Variants in RAB38 observed in about 807,000 individuals in gnomAD.
RAB38 encodes the protein ras-related protein Rab-38.
RAB38 carries 15 observed loss-of-function variants against 18.4 expected under a neutral mutation model. The observed-to-expected ratio is 0.82, with a 90% CI of 0.55 to 1.26. The LOEUF (loss-of-function observed/expected upper bound fraction) is 1.26, where lower values mean the gene tolerates loss of function less well. RAB38 is among the 50% of genes most tolerant of loss of function. The probability of loss-of-function intolerance (pLI) is 0.00; values close to 1 mark genes in which losing one functional copy is unlikely to be tolerated. For missense variants in RAB38, 294 were observed against 267.4 expected (o/e 1.10, Z -0.69); for synonymous variants, 101 against 104.4 (o/e 0.97, Z 0.20).
chr11:87,937,311 CATATATATATATATATATATATATATAT>C, the RAB38 span, among the ~76,000 whole-genome samples: 5 of 82,684 alleles, frequency 6.0e-5, no homozygotes, highest in Admixed American at 1.4e-4. Context: ...ACTTGGTCAT[CATATATATATATATATATATATATATAT>C]ATATATATAT....
chr11:88,035,846 A>G, the RAB38 span, among the ~76,000 whole-genome samples: 2,599 of 151,666 alleles, frequency 0.017, 73 homozygotes, highest in African/African-American at 0.06. Flanking sequence ...CTGATCTACA[A>G]CTAACCTCAA....
At chr11:88,174,201 T>A in intron 1 of RAB38, 1 of 640,280 alleles carries the variant, frequency 1.6e-6, no homozygotes, top group Non-Finnish European at 1.9e-6. Context: ...CCAAAGCCAC[T>A]GAGCAGGTTA....
At chr11:87,977,035 TTATAA>T in the RAB38 span, among the ~76,000 whole-genome samples, 135 of 11,022 alleles carry the variant, frequency 0.012, 54 homozygotes, top group East Asian at 0.12. Flanking sequence ...TACAAGTATA[TTATAA>T]AATATAATTA....
chr11:87,874,154 TATGTTTACTTCTATTTTTTCACCATTTGC>T, the RAB38 span, among the ~76,000 whole-genome samples: 1 of 151,222 alleles, frequency 6.6e-6, no homozygotes, highest in African/African-American at 2.4e-5. Flanking sequence ...GAAATTTTTT[TATGTTTACTTCTATTTTTTCACCATTTGC>T]ATTATGATCT....
chr11:88,040,232 G>GTT, the RAB38 span, among the ~76,000 whole-genome samples: 2 of 152,168 alleles, frequency 1.3e-5, no homozygotes. Flanking sequence ...TTAGAGATCA[G>GTT]AGTATCAACA....
chr11:88,122,528 T>C (rs962162790), intron 2 of RAB38, among the ~76,000 whole-genome samples: 9 of 152,240 alleles, frequency 5.9e-5, no homozygotes, highest in Admixed American at 2.0e-4. Flanking sequence ...ATTGTAATAA[T>C]TGCTAACAAT....
At chr11:87,931,334 C>G in the RAB38 span, among the ~76,000 whole-genome samples, 2 of 152,040 alleles carry the variant, frequency 1.3e-5, no homozygotes, top group Admixed American at 6.6e-5. Flanking sequence ...GTTTGAGGCC[C>G]TTTCATCATA....
chr11:87,951,995 C>G, the RAB38 span, among the ~76,000 whole-genome samples: 1 of 152,048 alleles, frequency 6.6e-6, no homozygotes, highest in Non-Finnish European at 1.5e-5. Flanking sequence ...GGAGCTGTTC[C>G]TATTCGGCCA....
chr11:87,928,343 C>A, the RAB38 span, among the ~76,000 whole-genome samples: 1 of 152,104 alleles, frequency 6.6e-6, no homozygotes, highest in Admixed American at 6.6e-5. Flanking sequence ...AGAGTCTCCA[C>A]ATCTGATCAT....
At chr11:87,882,778 A>G in the RAB38 span, among the ~76,000 whole-genome samples, 1 of 151,888 alleles carries the variant, frequency 6.6e-6, no homozygotes, top group African/African-American at 2.4e-5. Flanking sequence ...TCCCATGGAA[A>G]CTGAGGTAAC....
Position 88,113,814 on chromosome 11 carries a change from G to T in RAB38, c.*174C>A. On this transcript the variant is annotated 3_prime_UTR_variant, in exon 3 of 3. Coordinates refer to ENST00000243662, the MANE Select transcript of RAB38 (RefSeq NM_022337.3). ...TTGTAAACACTGTGATGATGGTGAGGAAAGCATAGAAAGAACATTTGCTAT... is the reference window on the plus strand; with the variant it reads ...TTGTAAACACTGTGATGATGGTGAGTAAAGCATAGAAAGAACATTTGCTAT... 1 of 732,588 alleles carries T rather than the reference G, an allele frequency of 1.4e-6. No individual in the cohort carries two copies. The highest frequency in any genetic ancestry group is 2.0e-5 in the South Asian group (1 of 49,372). The allele number at this position is 732,588 out of a possible 1,614,324, so 45.4% of individuals were successfully genotyped here.
the RAB38 span, among the ~76,000 whole-genome samples, chr11:88,075,321 A>T: frequency 1.3e-5 from 2 of 152,228 alleles, no homozygotes; most frequent in African/African-American, 2.4e-5. Context: ...AACAAATTTT[A>T]AAAGGTAGAA....
chr11:88,069,565 A>C, the RAB38 span, among the ~76,000 whole-genome samples: 3 of 152,230 alleles, frequency 2.0e-5, no homozygotes, highest in Non-Finnish European at 4.4e-5. Context: ...TCGTATATGC[A>C]CCAATCAGCA....
the RAB38 span, among the ~76,000 whole-genome samples, chr11:87,929,550 ATTC>A: frequency 2.8e-5 from 4 of 145,224 alleles, no homozygotes; most frequent in African/African-American, 5.0e-5. Context: ...ATTAATTTTG[ATTC>A]TTTTTTTTGG....
In RAB38 at chr11:88,151,951, C is replaced by T. The variant is rs148291373; in HGVS notation, c.203-1996G>A. On this transcript the variant is annotated intron_variant, in intron 1 of 2. Coordinates refer to ENST00000243662, the MANE Select transcript of RAB38 (RefSeq NM_022337.3). ...TTTCTTACGTGGGTTATACCAGAGACGCATTTTTTTATCCCACAGTTGCCT... is the reference window on the plus strand; with the variant it reads ...TTTCTTACGTGGGTTATACCAGAGATGCATTTTTTTATCCCACAGTTGCCT... 9.9e-4 allele frequency among the ~76,000 whole-genome samples: 151 copies of T among 152,252 alleles called. 1 individual carries two copies. Among genetic ancestry groups the T allele is most frequent in the African/African-American group, 3.3e-3 (139 of 41,536 alleles).
the RAB38 span, among the ~76,000 whole-genome samples, chr11:87,840,137 T>G: frequency 6.6e-6 from 1 of 151,936 alleles, no homozygotes; most frequent in Non-Finnish European, 1.5e-5. Flanking sequence ...AAAGGAGACA[T>G]AGAAAAAGAA....
At chr11:87,874,039 A>T in the RAB38 span, among the ~76,000 whole-genome samples, 1 of 149,356 alleles carries the variant, frequency 6.7e-6, no homozygotes, top group Non-Finnish European at 1.5e-5. Flanking sequence ...TTACTTTTTG[A>T]TGAACAGAAG....
chr11:88,057,939 A>G, the RAB38 span, among the ~76,000 whole-genome samples: 6 of 152,214 alleles, frequency 3.9e-5, no homozygotes, highest in East Asian at 1.2e-3. Flanking sequence ...CAAATGAAAA[A>G]AAATTGCTTG....
the RAB38 span, among the ~76,000 whole-genome samples, chr11:88,009,060 T>C: frequency 1.3e-5 from 2 of 152,242 alleles, no homozygotes; most frequent in African/African-American, 4.8e-5. Flanking sequence ...GGCCAAGACA[T>C]ATCATCATGA....
Sources: allele counts gnomAD v4.1 joint callset (sites outside exome capture counted in the v4.1 genomes callset), GRCh38; gene constraint gnomAD v4.1.1; transcripts MANE v1.5; gene names NCBI Gene and HGNC (gene_info 2026-07-23, HGNC 2026-07-21).